The following AGAP1 variants were observed in gnomAD, a reference collection of about 807,000 sequenced individuals.
AGAP1 encodes the protein arf-GAP with GTPase, ANK repeat and PH domain-containing protein 1.
A neutral mutation model predicts 105.3 loss-of-function variants in AGAP1; 29 were observed. The observed-to-expected ratio is 0.28, with a 90% CI of 0.21 to 0.38. The LOEUF is 0.38. AGAP1 is among the 10% of genes least tolerant of loss of function. The pLI, the probability that AGAP1 is intolerant of heterozygous loss-of-function variation, is 1.00. For missense variants in AGAP1, 998 were observed against 1,165.1 expected (o/e 0.86, Z 2.09); for synonymous variants, 509 against 485.9 (o/e 1.05, Z -0.63).
chr2:235,542,946 G>T (rs75878009), intron 1 of AGAP1, among the ~76,000 whole-genome samples: 1 of 152,166 alleles, frequency 6.6e-6, no homozygotes, highest in Non-Finnish European at 1.5e-5. Flanking sequence ...TTTGTCCTTC[G>T]TTTTCCTGAC....
At chr2:235,629,268 T>TTG (rs60059513) in intron 1 of AGAP1, among the ~76,000 whole-genome samples, 5,924 of 135,546 alleles carry the variant, frequency 0.044, 91 homozygotes, top group Non-Finnish European at 0.057. Context: ...GTAGTAGTCA[T>TTG]TGTGTGTGTG....
At chr2:236,047,956 G>A (rs963133399) in intron 15 of AGAP1, among the ~76,000 whole-genome samples, 4 of 152,166 alleles carry the variant, frequency 2.6e-5, no homozygotes, top group Non-Finnish European at 5.9e-5. Context: ...ATATGTAGTA[G>A]ATGTTAAATA....
In AGAP1 at chr2:235,877,086, C is replaced by T. The variant is rs940047662; in HGVS notation, c.1051-6259C>T. 2.6e-5 allele frequency among the ~76,000 whole-genome samples: 4 copies of T among 151,974 alleles called. No homozygotes were observed. The highest frequency in any genetic ancestry group is 4.4e-5 in the Non-Finnish European group (3 of 67,998). Reference sequence around the variant, plus strand: ...GGTCTCAAACTCCTGACCTCATGATCCACCCGCCTCGGCCTCCCAAAGTGC... The same window carrying T: ...GGTCTCAAACTCCTGACCTCATGATTCACCCGCCTCGGCCTCCCAAAGTGC... On this transcript the variant is annotated intron_variant, in intron 9 of 17. Coordinates refer to ENST00000304032, the MANE Select transcript of AGAP1 (RefSeq NM_001037131.3). This position sits in a 1 kb window ranked among gnomAD's most constrained non-coding sequence, Gnocchi z 4.3.
In AGAP1 at chr2:235,611,899, C is replaced by T. The variant is rs1417910587; in HGVS notation, c.164-97280C>T. ...ATGGTCACCGTTCTGTGACTGGGAG[C>T]ATTGCTGTTTGGCATGCTTGTGGGC... On this transcript the variant is annotated intron_variant, in intron 1 of 17. Coordinates refer to ENST00000304032, the MANE Select transcript of AGAP1 (RefSeq NM_001037131.3). The surrounding 1 kb of genome is among the most constrained non-coding windows in gnomAD (Gnocchi z 5.0). Among the ~76,000 whole-genome samples the T allele has an allele frequency of 6.6e-6, 1 of 152,188 alleles. No homozygotes were observed. The highest frequency in any genetic ancestry group is 1.5e-5 in the Non-Finnish European group (1 of 68,046).
At chr2:235,832,940 A>G (rs114423633) in intron 9 of AGAP1, among the ~76,000 whole-genome samples, 7,803 of 152,256 alleles carry the variant, frequency 0.051, 637 homozygotes, top group African/African-American at 0.17. Context: ...GCAGCCCCAA[A>G]GCAGCTAGTA....
intron 14 of AGAP1, among the ~76,000 whole-genome samples, chr2:236,037,017 T>C (rs2057403157): frequency 6.6e-6 from 1 of 152,212 alleles, no homozygotes; most frequent in Non-Finnish European, 1.5e-5. Context: ...TCCACATTTA[T>C]TTTTGTTTTG....
intron 9 of AGAP1, among the ~76,000 whole-genome samples, chr2:235,857,961 T>TG (rs1423062931): frequency 2.0e-5 from 3 of 152,246 alleles, no homozygotes; most frequent in Non-Finnish European, 4.4e-5. Flanking sequence ...TGGGTGATCT[T>TG]GGGGGATTTT....
At chr2:235,672,071 C>T (rs1012498985) in intron 1 of AGAP1, among the ~76,000 whole-genome samples, 3 of 152,074 alleles carry the variant, frequency 2.0e-5, no homozygotes, top group East Asian at 1.9e-4. Context: ...TATTATTCAT[C>T]CTCTTATCTG....
At chr2:235,542,257 T>G (rs1465748728) in intron 1 of AGAP1, among the ~76,000 whole-genome samples, 4 of 152,196 alleles carry the variant, frequency 2.6e-5, no homozygotes, top group Non-Finnish European at 4.4e-5. Context: ...AGTTAGGTGT[T>G]TGAAGCCTAG....
chr2:235,937,357 G>T (rs1042634252), intron 12 of AGAP1, among the ~76,000 whole-genome samples: 1 of 151,994 alleles, frequency 6.6e-6, no homozygotes, highest in African/African-American at 2.4e-5. Context: ...CTGGACACAG[G>T]GGGTGAAAGG....
Position 235,967,994 on chromosome 2 carries a change from G to A in AGAP1, c.1484-468G>A, listed in dbSNP as rs1350452724. Among the ~76,000 whole-genome samples, 1 of 152,206 alleles carries A rather than the reference G, an allele frequency of 6.6e-6. No homozygotes were observed. The highest frequency in any genetic ancestry group is 2.4e-5 in the African/African-American group (1 of 41,456). ...TGAAGTTATAGTCATCTGTAATATTGAGGCCGGAAGAAAGGATCAGGAATC... is the reference window on the plus strand; with the variant it reads ...TGAAGTTATAGTCATCTGTAATATTAAGGCCGGAAGAAAGGATCAGGAATC... On this transcript the variant is annotated intron_variant, in intron 12 of 17. Coordinates refer to ENST00000304032, the MANE Select transcript of AGAP1 (RefSeq NM_001037131.3). The surrounding 1 kb of genome is among the most constrained non-coding windows in gnomAD (Gnocchi z 4.7).
intron 11 of AGAP1, among the ~76,000 whole-genome samples, chr2:235,920,123 A>G (rs564523278): frequency 6.6e-6 from 1 of 152,276 alleles, no homozygotes; most frequent in African/African-American, 2.4e-5. Flanking sequence ...TAGTCGTTAA[A>G]TTTGTCATTG....
intron 1 of AGAP1, among the ~76,000 whole-genome samples, chr2:235,523,966 G>A (rs571094098): frequency 3.9e-5 from 6 of 152,114 alleles, no homozygotes; most frequent in African/African-American, 1.2e-4. Flanking sequence ...GGGGGCGGTG[G>A]CCTTGGGTTG....
chr2:235,607,522 C>G (rs1204222579), intron 1 of AGAP1, among the ~76,000 whole-genome samples: 1 of 152,200 alleles, frequency 6.6e-6, no homozygotes, highest in African/African-American at 2.4e-5. Flanking sequence ...CTGGGTGGAG[C>G]CCGTTGGCCT....
rs564447582 is a variant in AGAP1, at chr2:235,992,163, G to T, written c.1645+23540G>T. Among the ~76,000 whole-genome samples, 1 of 152,094 alleles carries T rather than the reference G, an allele frequency of 6.6e-6. No individual in the cohort carries two copies. Among genetic ancestry groups the T allele is most frequent in the Non-Finnish European group, 1.5e-5 (1 of 67,998 alleles). On this transcript the variant is annotated intron_variant, in intron 13 of 17. Transcript: ENST00000304032. The surrounding 1 kb of genome is among the most constrained non-coding windows in gnomAD (Gnocchi z 4.8). ...GCGCAGCGGAGGAGCCTGTCTTCCT[G>T]GGTCCGAGTTGCGTGGTTAGGAGCG...
rs891447230 is a variant in AGAP1, at chr2:235,719,358, C to T, written c.310+1714C>T. Among the ~76,000 whole-genome samples, 5 of 152,196 alleles carry T rather than the reference C, an allele frequency of 3.3e-5. No individual in the cohort carries two copies. The highest frequency in any genetic ancestry group is 5.9e-5 in the Non-Finnish European group (4 of 68,030). On this transcript the variant is annotated intron_variant, in intron 3 of 17. Coordinates refer to ENST00000304032, the MANE Select transcript of AGAP1 (RefSeq NM_001037131.3). This position sits in a 1 kb window ranked among gnomAD's most constrained non-coding sequence, Gnocchi z 4.9. ...GGCTTTTCGCTGTTTTCCCTTTGGG[C>T]ATTCACAGTGTGTTCCATTGTATTT...
chr2:235,511,181 A>G (rs1942091866), intron 1 of AGAP1, among the ~76,000 whole-genome samples: 1 of 151,970 alleles, frequency 6.6e-6, no homozygotes, highest in South Asian at 2.1e-4. Context: ...AGTCTTCGTC[A>G]TCCCGAGACT....
chr2:235,502,493 C>T (rs1237230086), intron 1 of AGAP1, among the ~76,000 whole-genome samples: 1 of 152,102 alleles, frequency 6.6e-6, no homozygotes, highest in Non-Finnish European at 1.5e-5. Flanking sequence ...ACCCTGAGCT[C>T]TCTGGGAACA....
intron 15 of AGAP1, among the ~76,000 whole-genome samples, chr2:236,041,717 T>A (rs2057553846): frequency 6.6e-6 from 1 of 152,148 alleles, no homozygotes; most frequent in South Asian, 2.1e-4. Flanking sequence ...CCAGGCTGGG[T>A]GCTGCCCAGG....
Sources: allele counts gnomAD v4.1 joint callset (sites outside exome capture counted in the v4.1 genomes callset), GRCh38; gene constraint gnomAD v4.1.1; non-coding constraint Gnocchi (gnomAD v3.1); transcripts MANE v1.5; gene names NCBI Gene and HGNC (gene_info 2026-07-23, HGNC 2026-07-21).